The following NEDD9 variants were observed in gnomAD, a reference collection of about 807,000 sequenced individuals.
NEDD9 encodes enhancer of filamentation 1.
A neutral mutation model predicts 76.6 loss-of-function variants in NEDD9; 26 were observed. That is an observed-to-expected ratio of 0.34 (90% CI 0.25 to 0.47). NEDD9 has a LOEUF of 0.47. Among genes scored for constraint, NEDD9 ranks in the 20% least tolerant of loss-of-function variants. NEDD9 has a pLI of 1.00. For synonymous variants in NEDD9, 392 were observed against 414.2 expected (o/e 0.95, Z 0.65); for missense variants, 937 against 1,058.5 (o/e 0.89, Z 1.59).
chr6:11,279,869 T>C (rs1760499089), intron 3 of NEDD9, among the ~76,000 whole-genome samples: 1 of 152,208 alleles, frequency 6.6e-6, no homozygotes, highest in East Asian at 1.9e-4. Flanking sequence ...TTTTGCGTTA[T>C]CTTACCTTGA....
At chr6:11,274,602 T>A (rs1328025462) in intron 3 of NEDD9, among the ~76,000 whole-genome samples, 1 of 152,214 alleles carries the variant, frequency 6.6e-6, no homozygotes, top group Non-Finnish European at 1.5e-5. Flanking sequence ...GGAACTGTAC[T>A]CTCTGCTGTA....
intron 4 of NEDD9, among the ~76,000 whole-genome samples, chr6:11,191,697 T>C (rs1758149336): frequency 6.6e-6 from 1 of 152,090 alleles, no homozygotes; most frequent in Non-Finnish European, 1.5e-5. Context: ...CACTCAAACA[T>C]ACACACTGAG....
At chr6:11,346,448 T>A (rs897007415) in intron 1 of NEDD9, among the ~76,000 whole-genome samples, 2 of 151,198 alleles carry the variant, frequency 1.3e-5, no homozygotes, top group African/African-American at 4.9e-5. Flanking sequence ...TGGTTCACTT[T>A]CGTTGTACTG....
chr6:11,216,266 C>T (rs1758950660), intron 1 of NEDD9, among the ~76,000 whole-genome samples: 1 of 152,228 alleles, frequency 6.6e-6, no homozygotes. Flanking sequence ...CACACCGATA[C>T]ATATTCTCAG....
chr6:11,291,917 G>A (rs1414434198), intron 3 of NEDD9, among the ~76,000 whole-genome samples: 3 of 152,206 alleles, frequency 2.0e-5, no homozygotes, highest in African/African-American at 7.2e-5. Flanking sequence ...CACTTGTGAT[G>A]TCTGCATGGA....
At chr6:11,353,466 C>T (rs1196701887) in intron 1 of NEDD9, among the ~76,000 whole-genome samples, 1 of 152,220 alleles carries the variant, frequency 6.6e-6, no homozygotes, top group African/African-American at 2.4e-5. Context: ...ATGCCCGGGG[C>T]TGCTGGAAGC....
intron 1 of NEDD9, among the ~76,000 whole-genome samples, chr6:11,341,575 G>A (rs115450635): frequency 9.9e-4 from 150 of 152,258 alleles, no homozygotes; most frequent in African/African-American, 3.0e-3. Flanking sequence ...GTAAATATGC[G>A]AACATTTAGA....
chr6:11,375,719 C>T (rs1762958960), intron 1 of NEDD9, among the ~76,000 whole-genome samples: 1 of 152,218 alleles, frequency 6.6e-6, no homozygotes, highest in Non-Finnish European at 1.5e-5. Flanking sequence ...GCTGGCTCCT[C>T]CTTCCGCCAT....
chr6:11,274,303 G>A (rs1438406345), intron 3 of NEDD9, among the ~76,000 whole-genome samples: 1 of 152,190 alleles, frequency 6.6e-6, no homozygotes, highest in African/African-American at 2.4e-5. Flanking sequence ...GAAGGGTGAT[G>A]TGGGCCCCAC....
chr6:11,326,061 T>C (rs1275058188), intron 2 of NEDD9, among the ~76,000 whole-genome samples: 1 of 150,706 alleles, frequency 6.6e-6, no homozygotes, highest in Non-Finnish European at 1.5e-5. Context: ...CAGGAGAATC[T>C]CTTGAACCCT....
intron 3 of NEDD9, among the ~76,000 whole-genome samples, chr6:11,292,794 G>A (rs1760805902): frequency 6.6e-6 from 1 of 152,212 alleles, no homozygotes; most frequent in South Asian, 2.1e-4. Flanking sequence ...ATGACAAGGA[G>A]GGAGGTGCAA....
intron 3 of NEDD9, among the ~76,000 whole-genome samples, chr6:11,263,576 G>T (rs1422595859): frequency 6.6e-6 from 1 of 152,220 alleles, no homozygotes; most frequent in Non-Finnish European, 1.5e-5. Context: ...TCTTGGGCTG[G>T]CTGGCTTGTG....
At chr6:11,245,390 G>A (rs6939585) in intron 3 of NEDD9, among the ~76,000 whole-genome samples, 69,834 of 151,986 alleles carry the variant, frequency 0.46, 16,815 homozygotes, top group East Asian at 0.76. Context: ...GTGTGATAGC[G>A]GCAGTGTTTT....
intron 1 of NEDD9, among the ~76,000 whole-genome samples, chr6:11,350,067 G>T: frequency 6.6e-6 from 1 of 152,176 alleles, no homozygotes; most frequent in Non-Finnish European, 1.5e-5. Flanking sequence ...AGCTGGCCTG[G>T]GCAATACAGT....
At chr6:11,289,182 G>C (rs778306730) in intron 3 of NEDD9, among the ~76,000 whole-genome samples, 79 of 152,294 alleles carry the variant, frequency 5.2e-4, no homozygotes, top group Non-Finnish European at 9.4e-4. Flanking sequence ...TGAAGAGCTG[G>C]AACAGCTAGC....
chr6:11,220,320 C>A (rs147989417), intron 1 of NEDD9, among the ~76,000 whole-genome samples: 5 of 152,186 alleles, frequency 3.3e-5, no homozygotes, highest in African/African-American at 1.2e-4. Context: ...TGGACCCCCC[C>A]GCCGAATCTT....
At position 11,356,102 on chromosome 6, in the gene NEDD9, G is replaced by A. The variant is rs61570480; in HGVS notation, c.-213-21541C>T. Among the ~76,000 whole-genome samples the A allele has an allele frequency of 7.2e-3, 1,103 of 152,304 alleles. 15 individuals carry two copies. The highest frequency in any genetic ancestry group is 0.025 in the African/African-American group (1,043 of 41,568). On this transcript the variant is annotated intron_variant, in intron 1 of 3. Transcript: ENST00000397378. The stretch of plus-strand genomic sequence containing the variant: ...AAGCAACCTCCACTCCATTTCTGCT[G>A]CAGTTGGAGTTTCTCTTGTATGTGT...
chr6:11,193,948 C>T (rs2113724643), intron 2 of NEDD9, among the ~76,000 whole-genome samples: 1 of 152,072 alleles, frequency 6.6e-6, no homozygotes, highest in South Asian at 2.1e-4. Flanking sequence ...CAACCTCTGC[C>T]TCCCGGGTTC....
chr6:11,363,477 G>C (rs76638500), intron 1 of NEDD9, among the ~76,000 whole-genome samples: 13 of 151,982 alleles, frequency 8.6e-5, no homozygotes, highest in Admixed American at 6.6e-4. Context: ...CTCATGGAAT[G>C]GGGGGGAAGT....
Sources: allele counts gnomAD v4.1 joint callset (sites outside exome capture counted in the v4.1 genomes callset), GRCh38; gene constraint gnomAD v4.1.1; transcripts MANE v1.5; gene names NCBI Gene and HGNC (gene_info 2026-07-23, HGNC 2026-07-21).